Variants in PCSK5 observed in about 807,000 individuals in gnomAD.
The protein encoded by PCSK5 is prohormone convertase 5.
Under a neutral mutation model 233.2 loss-of-function variants are expected in PCSK5, and 129 were observed. That is an observed-to-expected ratio of 0.55 (90% CI 0.48 to 0.64). The LOEUF (loss-of-function observed/expected upper bound fraction) is 0.64, where lower values mean the gene tolerates loss of function less well. PCSK5 is among the 30% of genes least tolerant of loss of function. The probability of loss-of-function intolerance (pLI) is 0.00; values close to 1 mark genes in which losing one functional copy is unlikely to be tolerated. For synonymous variants in PCSK5, 825 were observed against 879.2 expected, an observed-to-expected ratio of 0.94 and a Z score of 1.09; for missense variants, 2,076 against 2,430.1, an observed-to-expected ratio of 0.85 and a Z score of 3.06.
intron 28 of PCSK5, among the ~76,000 whole-genome samples, chr9:76,307,215 C>T (rs1034806838): frequency 3.3e-5 from 5 of 152,116 alleles, no homozygotes; most frequent in Non-Finnish European, 7.3e-5. Context: ...GGCGGCATAG[C>T]TGGGATCTGA....
chr9:75,893,175 C>G (rs1317061458), intron 1 of PCSK5, among the ~76,000 whole-genome samples: 1 of 152,144 alleles, frequency 6.6e-6, no homozygotes, highest in Admixed American at 6.5e-5. Context: ...TCACACATGA[C>G]CAGGCATTTT....
rs1475184796 is a variant in PCSK5, at chr9:76,117,787, C to CG, written c.1208+10437dup. Among the ~76,000 whole-genome samples the CG allele has an allele frequency of 2.0e-5, 3 of 152,100 alleles. No homozygotes were observed. In the East Asian group the frequency reaches 5.8e-4, roughly 29 times the overall value. Reference sequence around the variant, plus strand: ...AGTTATGTAGTCTTCAGTGAGCACTCGAATTTATTTGAAAAACTTGGTACA... The same window carrying CG: ...AGTTATGTAGTCTTCAGTGAGCACTCGGAATTTATTTGAAAAACTTGGTACA... On this transcript the variant is annotated intron_variant, in intron 9 of 37. Coordinates refer to ENST00000674117, the MANE Select transcript of PCSK5 (RefSeq NM_001372043.1).
chr9:76,302,985 T>C (rs13283134), intron 28 of PCSK5, among the ~76,000 whole-genome samples: 1 of 46,160 alleles, frequency 2.2e-5, no homozygotes, highest in African/African-American at 7.5e-5. Flanking sequence ...TTTTTTTTTG[T>C]GGTCCTGTCC....
chr9:76,026,969 G>C lies in PCSK5; in HGVS notation c.564G>C (p.Leu188=). 1 of 1,608,352 alleles carries C rather than the reference G, an allele frequency of 6.2e-7. No individual in the cohort carries two copies. The highest frequency in any genetic ancestry group is 8.5e-7 in the Non-Finnish European group (1 of 1,176,772). ...CTCCTCTGTGGCCATAGGATGCTCT[G>C]GCAAGTTGCGACGTGAATGGGAATG... is the stretch of plus-strand genomic sequence containing the variant. ...HPDLMQNYDA[L]ASCDVNGNDL... is the part of the protein sequence containing the mutation. The change falls in exon 5 of 38, where the codon CTG becomes CTC. Residue 188 remains leucine (L), a synonymous_variant. Transcript: ENST00000674117.
chr9:76,186,616 T>G (rs1824115593), intron 17 of PCSK5, among the ~76,000 whole-genome samples: 1 of 152,198 alleles, frequency 6.6e-6, no homozygotes, highest in African/African-American at 2.4e-5. Flanking sequence ...TGCTGTCTGT[T>G]ACACGTCCCC....
intron 24 of PCSK5, among the ~76,000 whole-genome samples, chr9:76,255,672 AT>A (rs879264409): frequency 0.01 from 1,584 of 150,872 alleles, 23 homozygotes; most frequent in African/African-American, 0.035. Context: ...CTACAAATAA[AT>A]TTTTTTTTTA....
At position 76,096,198 on chromosome 9, in the gene PCSK5, C is replaced by T. The variant is rs1280158684; in HGVS notation, c.1107+96C>T. ...ATAAACATATATATATATACACACA[C>T]ACACACACACACACACAGAAGTAAT... is the stretch of plus-strand genomic sequence containing the variant. On this transcript the variant is annotated intron_variant, in intron 8 of 37. Coordinates refer to ENST00000674117, the MANE Select transcript of PCSK5 (RefSeq NM_001372043.1). 7.3e-6 allele frequency: 5 copies of T among 683,122 alleles called. No homozygotes were observed. The African/African-American group carries it at 9.0e-5, about 12-fold the overall frequency. The allele number at this position is 683,122 out of a possible 1,614,324, so 42.3% of individuals were successfully genotyped here.
chr9:76,202,320 A>G (rs1372392573), intron 20 of PCSK5, among the ~76,000 whole-genome samples: 1 of 152,152 alleles, frequency 6.6e-6, no homozygotes, highest in African/African-American at 2.4e-5. Flanking sequence ...TCTCCTCATT[A>G]GCCTCCCTGA....
chr9:76,137,482 A>G (rs1823033422), intron 10 of PCSK5, among the ~76,000 whole-genome samples: 1 of 152,044 alleles, frequency 6.6e-6, no homozygotes, highest in Non-Finnish European at 1.5e-5. Flanking sequence ...TAACAATCTC[A>G]TAGTATAATT....
intron 24 of PCSK5, among the ~76,000 whole-genome samples, chr9:76,284,058 T>A (rs952366583): frequency 1.4e-4 from 21 of 152,012 alleles, no homozygotes; most frequent in Non-Finnish European, 4.4e-5. Flanking sequence ...TTTGGTTAGG[T>A]GTGGCCTGGG....
At chr9:75,936,075 A>T (rs1410170374) in intron 2 of PCSK5, among the ~76,000 whole-genome samples, 1 of 152,190 alleles carries the variant, frequency 6.6e-6, no homozygotes, top group East Asian at 1.9e-4. Context: ...GTAGTCTATT[A>T]AGTGTGTAAT....
chr9:76,104,621 C>T (rs573650083), intron 8 of PCSK5, among the ~76,000 whole-genome samples: 4 of 152,272 alleles, frequency 2.6e-5, no homozygotes, highest in South Asian at 2.1e-4. Flanking sequence ...AAATTTTGAT[C>T]GTTCACATTT....
intron 7 of PCSK5, among the ~76,000 whole-genome samples, chr9:76,078,161 G>A (rs1429761620): frequency 1.3e-5 from 2 of 152,116 alleles, no homozygotes; most frequent in Non-Finnish European, 2.9e-5. Flanking sequence ...AATTGTTTAA[G>A]TTCCTTATAG....
intron 12 of PCSK5, among the ~76,000 whole-genome samples, chr9:76,166,943 T>C (rs1823110377): frequency 6.6e-6 from 1 of 152,216 alleles, no homozygotes; most frequent in Admixed American, 6.5e-5. Flanking sequence ...AGGGATTCAA[T>C]GGATGTAAGT....
Position 76,350,046 on chromosome 9 carries a change from G to C in PCSK5, c.4967-782G>C, listed in dbSNP as rs183325788. On this transcript the variant is annotated intron_variant, in intron 35 of 37. Transcript: ENST00000674117. ...ATAATCCCAGCTACTTGGAGGCTGA[G>C]ACAAGAGGATCCCTTGAGTCCAGGA... is the stretch of plus-strand genomic sequence containing the variant. Among the ~76,000 whole-genome samples the C allele has an allele frequency of 6.7e-4, 101 of 151,082 alleles. 1 individual carries two copies. Among genetic ancestry groups the C allele is most frequent in the African/African-American group, 2.5e-3 (101 of 41,088 alleles).
rs148367689 is a variant in PCSK5 at position 75,910,773 on chromosome 9, T to C, written c.192+19400T>C. ...GGGCCACATTGTGCTTCCAGAATTATGACACCCACTGCTGCAGAATCCACT... is the reference window on the plus strand; with the variant it reads ...GGGCCACATTGTGCTTCCAGAATTACGACACCCACTGCTGCAGAATCCACT... On this transcript the variant is annotated intron_variant, in intron 1 of 37. Transcript: ENST00000674117. Among the ~76,000 whole-genome samples, 32 of 152,340 alleles carry C rather than the reference T, an allele frequency of 2.1e-4. 1 individual carries two copies. The East Asian group carries it at 6.2e-3, about 29-fold the overall frequency.
At chr9:76,024,833 G>C (rs538864597) in intron 4 of PCSK5, among the ~76,000 whole-genome samples, 1 of 152,182 alleles carries the variant, frequency 6.6e-6, no homozygotes, top group African/African-American at 2.4e-5. Flanking sequence ...AAAGACTTGG[G>C]TTCCCTCCAG....
intron 35 of PCSK5, among the ~76,000 whole-genome samples, chr9:76,345,912 G>A (rs1417963543): frequency 2.0e-5 from 3 of 151,906 alleles, no homozygotes; most frequent in African/African-American, 4.8e-5. Flanking sequence ...TAGAGACACG[G>A]TTTCACCATG....
chr9:76,238,883 AAT>A, intron 22 of PCSK5, 74 bp from the exon 23 acceptor site: 1 of 1,082,634 alleles, frequency 9.2e-7, no homozygotes, highest in Non-Finnish European at 1.4e-6. Context: ...TTTAAAATAT[AAT>A]ATCTTACATT....
Sources: gnomAD v4.1 joint callset for allele counts (sites outside exome capture counted in the v4.1 genomes callset) on GRCh38, gnomAD v4.1.1 for gene constraint, MANE v1.5 for transcripts, NCBI Gene and HGNC (gene_info 2026-07-23, HGNC 2026-07-21) for gene names.